The following PTPRD variants were observed in gnomAD, a reference collection of about 807,000 sequenced individuals.
PTPRD encodes protein tyrosine phosphatase receptor type D.
A neutral mutation model predicts 214.5 loss-of-function variants in PTPRD; 34 were observed. The ratio of observed to expected loss-of-function variants is 0.16; its 90% CI spans 0.12 to 0.21. The LOEUF is 0.21. Ranked by LOEUF, PTPRD falls within the 10% of genes least tolerant of loss-of-function variation. The pLI, the probability that PTPRD is intolerant of heterozygous loss-of-function variation, is 1.00. For synonymous variants in PTPRD, 1,128 were observed against 845.7 expected, an observed-to-expected ratio of 1.33 and a Z score of -5.79; for missense variants, 2,545 against 2,398.7, an observed-to-expected ratio of 1.06 and a Z score of -1.27.
At chr9:9,065,296 G>A (rs62529478) in intron 10 of PTPRD, among the ~76,000 whole-genome samples, 10,127 of 152,242 alleles carry the variant, frequency 0.067, 352 homozygotes, top group Middle Eastern at 0.11. Flanking sequence ...ACGCTTTGCT[G>A]AAAAGTGACA....
At chr9:8,533,759 G>A (rs933960830) in intron 14 of PTPRD, among the ~76,000 whole-genome samples, 5 of 151,908 alleles carry the variant, frequency 3.3e-5, no homozygotes, top group African/African-American at 4.8e-5. Context: ...TACTTTCTTC[G>A]TAACCTTCCC....
At chr9:9,856,799 GA>G (rs2061644360) in intron 5 of PTPRD, among the ~76,000 whole-genome samples, 1 of 152,130 alleles carries the variant, frequency 6.6e-6, no homozygotes, top group African/African-American at 2.4e-5. Context: ...TGCCCCCATG[GA>G]AAATGGTGTT....
At chr9:9,630,509 A>G (rs187480291) in intron 7 of PTPRD, among the ~76,000 whole-genome samples, 15 of 152,320 alleles carry the variant, frequency 9.8e-5, no homozygotes, top group Non-Finnish European at 1.9e-4. Context: ...ATTGACCTTG[A>G]AATTGTAAAC....
At chr9:8,667,324 A>G (rs1192796075) in intron 12 of PTPRD, among the ~76,000 whole-genome samples, 1 of 152,136 alleles carries the variant, frequency 6.6e-6, no homozygotes, top group Non-Finnish European at 1.5e-5. Context: ...GGGCAACAAG[A>G]GCAAAACGTC....
At chr9:10,266,199 C>A (rs1458235945) in intron 3 of PTPRD, among the ~76,000 whole-genome samples, 4 of 151,682 alleles carry the variant, frequency 2.6e-5, no homozygotes, top group Admixed American at 2.6e-4. Flanking sequence ...TTAAGTGTGC[C>A]TTAAAATGCA....
chr9:10,449,776 C>G (rs570073055), intron 2 of PTPRD, among the ~76,000 whole-genome samples: 1 of 151,642 alleles, frequency 6.6e-6, no homozygotes, highest in Admixed American at 6.6e-5. Flanking sequence ...GCCATGATGA[C>G]GATGGCGGTT....
At chr9:8,382,762 A>G (rs1251678982) in intron 37 of PTPRD, among the ~76,000 whole-genome samples, 2 of 152,228 alleles carry the variant, frequency 1.3e-5, no homozygotes, top group Non-Finnish European at 2.9e-5. Flanking sequence ...AATCCCATAC[A>G]TCATGCAGAC....
intron 2 of PTPRD, among the ~76,000 whole-genome samples, chr9:10,490,976 C>G (rs2040011814): frequency 6.6e-6 from 1 of 152,116 alleles, no homozygotes; most frequent in African/African-American, 2.4e-5. Flanking sequence ...CACATAATCA[C>G]TAGATTTACA....
chr9:9,964,057 C>CACGCAGAGACGGAGGCAGAGACGG (rs1555403190), intron 4 of PTPRD, among the ~76,000 whole-genome samples: 1 of 147,938 alleles, frequency 6.8e-6, no homozygotes. Context: ...GAGGCAGAGG[C>CACGCAGAGACGGAGGCAGAGACGG]AGGCAGAGAC....
intron 2 of PTPRD, among the ~76,000 whole-genome samples, chr9:10,407,511 T>C (rs1345393531): frequency 6.6e-6 from 1 of 151,552 alleles, no homozygotes; most frequent in African/African-American, 2.4e-5. Context: ...CTAATAGAAA[T>C]CAGCTGCAAA....
chr9:9,084,062 C>T (rs753846617), intron 10 of PTPRD, among the ~76,000 whole-genome samples: 2 of 152,050 alleles, frequency 1.3e-5, no homozygotes, highest in Non-Finnish European at 2.9e-5. Flanking sequence ...GGTATATACC[C>T]AAAGGATTAT....
chr9:9,759,555 CTTTT>C (rs3050068), intron 6 of PTPRD, among the ~76,000 whole-genome samples: 1 of 117,812 alleles, frequency 8.5e-6, no homozygotes, highest in Admixed American at 9.4e-5. Context: ...CAAGGTCTGT[CTTTT>C]TTTTTTTTTT....
intron 2 of PTPRD, among the ~76,000 whole-genome samples, chr9:10,611,691 G>C (rs765044082): frequency 2.0e-5 from 3 of 152,158 alleles, no homozygotes; most frequent in Non-Finnish European, 4.4e-5. Flanking sequence ...AGCCCTGTCA[G>C]AGTTTATAAC....
intron 10 of PTPRD, among the ~76,000 whole-genome samples, chr9:9,181,061 T>C (rs558255172): frequency 5.9e-5 from 9 of 152,182 alleles, no homozygotes; most frequent in African/African-American, 2.2e-4. Flanking sequence ...AAGGTTTAGG[T>C]TGGAGTTCTT....
At chr9:8,865,203 A>G (rs1201331739) in intron 11 of PTPRD, among the ~76,000 whole-genome samples, 7 of 152,166 alleles carry the variant, frequency 4.6e-5, no homozygotes, top group Non-Finnish European at 7.3e-5. Context: ...TTTTTCAGAA[A>G]GAACAAATTT....
intron 5 of PTPRD, among the ~76,000 whole-genome samples, chr9:9,802,034 T>G (rs184351557): frequency 6.6e-6 from 1 of 152,228 alleles, no homozygotes; most frequent in Non-Finnish European, 1.5e-5. Context: ...GTCTGTTTCA[T>G]CTTATGCATT....
chr9:8,523,966 C>T (rs1302302311), intron 18 of PTPRD, among the ~76,000 whole-genome samples: 1 of 152,110 alleles, frequency 6.6e-6, no homozygotes, highest in African/African-American at 2.4e-5. Context: ...CTTAAGGGAA[C>T]CCATCCTATT....
At chr9:10,146,984 A>T (rs2099027324) in intron 3 of PTPRD, among the ~76,000 whole-genome samples, 1 of 150,768 alleles carries the variant, frequency 6.6e-6, no homozygotes, top group Non-Finnish European at 1.5e-5. Context: ...TGGCGACTTC[A>T]AGTCTGAAAA....
intron 3 of PTPRD, among the ~76,000 whole-genome samples, chr9:10,108,153 G>A (rs1198614654): frequency 6.6e-6 from 1 of 151,946 alleles, no homozygotes; most frequent in African/African-American, 2.4e-5. Context: ...CTAGGAATTT[G>A]TTATATTGTT....
Sources: allele counts gnomAD v4.1 joint callset (sites outside exome capture counted in the v4.1 genomes callset), GRCh38; gene constraint gnomAD v4.1.1; transcripts MANE v1.5; gene names NCBI Gene and HGNC (gene_info 2026-07-23, HGNC 2026-07-21).